The following UBOX5 variants were observed in gnomAD, a reference collection of about 807,000 sequenced individuals.
UBOX5 encodes RING finger protein 37.
A neutral mutation model predicts 39.0 loss-of-function variants in UBOX5; 28 were observed. The ratio of observed to expected loss-of-function variants is 0.72; its 90% CI spans 0.53 to 0.98. The LOEUF (loss-of-function observed/expected upper bound fraction) is 0.98. Ranked by LOEUF, UBOX5 falls within the 50% of genes least tolerant of loss-of-function variation. The pLI, the probability that UBOX5 is intolerant of heterozygous loss-of-function variation, is 0.00. For missense variants in UBOX5, 585 were observed against 674.4 expected, an observed-to-expected ratio of 0.87 and a Z score of 1.47; for synonymous variants, 283 against 275.5, an observed-to-expected ratio of 1.03 and a Z score of -0.27.
intron 1 of UBOX5, among the ~76,000 whole-genome samples, chr20:3,126,432 T>C (rs569375398): frequency 6.6e-6 from 1 of 150,900 alleles, no homozygotes; most frequent in East Asian, 2.0e-4. Flanking sequence ...GTTTATCTGC[T>C]GACCTTCTCT....
chr20:3,122,272 G>T lies in UBOX5; in HGVS notation c.367C>A (p.Leu123Met). ...EAFTLVGKVL[L>M]KNQSQVVFSH... The stretch of plus-strand genomic sequence containing the variant: ...AACACCACTTGGCTCTGGTTTTTCA[G>T]TAAGACTTTGCCTACCAAGGTGAAC... The change falls in exon 3 of 5, where the codon CTG becomes ATG. Residue 123 changes from leucine to methionine, a missense_variant. Coordinates refer to ENST00000217173, the MANE Select transcript of UBOX5 (RefSeq NM_014948.4). The T allele has an allele frequency of 6.2e-7, 1 of 1,614,234 alleles. No homozygotes were observed. The highest frequency in any genetic ancestry group is 2.2e-5 in the East Asian group (1 of 44,888).
intron 4 of UBOX5, among the ~76,000 whole-genome samples, chr20:3,113,224 G>A (rs1247283481): frequency 6.6e-6 from 1 of 150,694 alleles, no homozygotes. Context: ...GGAAGTGGAG[G>A]TTGCAGTGAG....
chr20:3,114,065 C>T (rs148816037), intron 4 of UBOX5, among the ~76,000 whole-genome samples: 27 of 152,206 alleles, frequency 1.8e-4, no homozygotes, highest in Middle Eastern at 3.4e-3. Context: ...ACCTAGGAGG[C>T]GGAAGTTGCA....
At chr20:3,139,025 A>G (rs1457535183) in intron 1 of UBOX5, among the ~76,000 whole-genome samples, 3 of 152,236 alleles carry the variant, frequency 2.0e-5, no homozygotes, top group East Asian at 3.8e-4. Context: ...GTAAGAGAAA[A>G]GCATTTCACC....
At position 3,107,908 on chromosome 20, in the gene UBOX5, C is replaced by T. The variant is rs896702215; in HGVS notation, c.*2198G>A. 3.9e-5 allele frequency: 6 copies of T among 152,196 alleles called. No individual in the cohort carries two copies. The highest frequency in any genetic ancestry group is 1.4e-4 in the African/African-American group (6 of 41,434). 9.4% of individuals were successfully genotyped at this position (152,196 alleles called of 1,614,324 possible). ...CAGTCCGGCCCTCATCTGGGAGCGCCGTGCTGACGCTGACTGCACGCTAGG... is the reference window on the plus strand; with the variant it reads ...CAGTCCGGCCCTCATCTGGGAGCGCTGTGCTGACGCTGACTGCACGCTAGG... On this transcript the variant is annotated 3_prime_UTR_variant, in exon 5 of 5. Transcript: ENST00000217173. This position sits in a 1 kb window ranked among gnomAD's most constrained non-coding sequence, Gnocchi z 5.0.
chr20:3,127,715 T>C (rs2066401400), intron 1 of UBOX5, among the ~76,000 whole-genome samples: 1 of 152,234 alleles, frequency 6.6e-6, no homozygotes. Context: ...CCCAAACATT[T>C]ATACACGAGA....
At chr20:3,131,426 T>C (rs2066428383) in intron 1 of UBOX5, among the ~76,000 whole-genome samples, 1 of 152,254 alleles carries the variant, frequency 6.6e-6, no homozygotes, top group South Asian at 2.1e-4. Context: ...AACACTTTTT[T>C]CTAATTTTAA....
rs983621071 is a variant in UBOX5 at position 3,149,358 on chromosome 20, C to T, written c.-42+10408G>A. On this transcript the variant is annotated intron_variant, in intron 1 of 4. Transcript: ENST00000217173. This position sits in a 1 kb window ranked among gnomAD's most constrained non-coding sequence, Gnocchi z 4.1. ...CAGGTTGAAACTACACTGCTGTCTA[C>T]TCAAATAAGTTCAATGCTAGTAAAT... 4 of 392,240 alleles carry T rather than the reference C, an allele frequency of 1.0e-5. No individual in the cohort carries two copies. The highest frequency in any genetic ancestry group is 4.3e-5 in the Admixed American group (1 of 23,468). The allele number at this position is 392,240 out of a possible 1,614,324, so 24.3% of individuals were successfully genotyped here.
chr20:3,143,742 G>A (rs145444995), intron 1 of UBOX5, among the ~76,000 whole-genome samples: 1,819 of 152,176 alleles, frequency 0.012, 32 homozygotes, highest in African/African-American at 0.041. Flanking sequence ...GCAGTGAGTC[G>A]AGATCGCACC....
intron 1 of UBOX5, among the ~76,000 whole-genome samples, chr20:3,157,063 C>G (rs1391961938): frequency 6.6e-6 from 1 of 151,880 alleles, no homozygotes; most frequent in East Asian, 1.9e-4. Context: ...GAGTTCAAGA[C>G]CAGTCTGGGC....
intron 1 of UBOX5, among the ~76,000 whole-genome samples, chr20:3,152,982 A>G (rs1402368970): frequency 6.6e-6 from 1 of 152,194 alleles, no homozygotes; most frequent in Non-Finnish European, 1.5e-5. Context: ...GCCATAGTAA[A>G]GCGAAAAACA....
chr20:3,126,097 G>A (rs887842433), intron 1 of UBOX5, among the ~76,000 whole-genome samples: 2 of 152,246 alleles, frequency 1.3e-5, no homozygotes, highest in Non-Finnish European at 2.9e-5. Context: ...AAAAGAAAGA[G>A]AGATCAGATT....
At chr20:3,118,878 G>A (rs1442406358) in intron 3 of UBOX5, among the ~76,000 whole-genome samples, 1 of 152,082 alleles carries the variant, frequency 6.6e-6, no homozygotes, top group East Asian at 1.9e-4. Flanking sequence ...GGCAGAGATT[G>A]AAGTGAGCCG....
chr20:3,147,431 T>C, intron 1 of UBOX5: 1 of 1,614,216 alleles, frequency 6.2e-7, no homozygotes, highest in Non-Finnish European at 8.5e-7. Flanking sequence ...CTCTGCTAAA[T>C]ACCACAGCAA....
chr20:3,114,415 TA>T lies in UBOX5; in HGVS notation c.1417+889del, dbSNP rs371977669. Among the ~76,000 whole-genome samples, 38 of 152,120 alleles carry T rather than the reference TA, an allele frequency of 2.5e-4. 1 individual carries two copies. The South Asian group carries it at 7.7e-3, about 31-fold the overall frequency. ...TTCGCACAGCAGGAGCTCCATCTCG[TA>T]AAAAATGCCTCCCGTTGCAATCAGT... is the stretch of plus-strand genomic sequence containing the variant. On this transcript the variant is annotated intron_variant, in intron 4 of 4. Coordinates refer to ENST00000217173, the MANE Select transcript of UBOX5 (RefSeq NM_014948.4).
chr20:3,142,295 C>G (rs2066523539), intron 1 of UBOX5, among the ~76,000 whole-genome samples: 2 of 151,864 alleles, frequency 1.3e-5, no homozygotes, highest in African/African-American at 4.8e-5. Flanking sequence ...AACCCCATCT[C>G]TACTAAAAAT....
At chr20:3,148,577 T>C in intron 1 of UBOX5, 1 of 1,614,110 alleles carries the variant, frequency 6.2e-7, no homozygotes, top group Non-Finnish European at 8.5e-7. Flanking sequence ...ACACAAATAA[T>C]CAACAATGAC....
chr20:3,147,288 C>G (rs773889172), intron 1 of UBOX5: 4 of 1,614,220 alleles, frequency 2.5e-6, no homozygotes. Context: ...AGGTTAACAT[C>G]AAGCTGGACC....
At chr20:3,142,798 G>GTATGTGTA (rs2066529097) in intron 1 of UBOX5, among the ~76,000 whole-genome samples, 2 of 132,820 alleles carry the variant, frequency 1.5e-5, no homozygotes, top group African/African-American at 2.7e-5. Context: ...AAAAAGAAAA[G>GTATGTGTA]TATGTGTATA....
Sources: gnomAD v4.1 joint callset for allele counts (sites outside exome capture counted in the v4.1 genomes callset) on GRCh38, gnomAD v4.1.1 for gene constraint, Gnocchi (gnomAD v3.1) non-coding constraint, MANE v1.5 for transcripts, NCBI Gene and HGNC (gene_info 2026-07-23, HGNC 2026-07-21) for gene names.